The following GABBR2 variants were observed in gnomAD, a reference collection of about 807,000 sequenced individuals.
GABBR2 encodes G-protein coupled receptor 51.
GABBR2 carries 23 observed loss-of-function variants against 105.6 expected under a neutral mutation model. That is an observed-to-expected ratio of 0.22 (90% CI 0.16 to 0.31). The LOEUF (loss-of-function observed/expected upper bound fraction) is 0.31, where lower values mean the gene tolerates loss of function less well. Among genes scored for constraint, GABBR2 ranks in the 10% least tolerant of loss-of-function variants. The pLI, the probability that GABBR2 is intolerant of heterozygous loss-of-function variation, is 1.00. For missense variants in GABBR2, 734 were observed against 1,245.5 expected, an observed-to-expected ratio of 0.59 and a Z score of 6.18; for synonymous variants, 478 against 499.7, an observed-to-expected ratio of 0.96 and a Z score of 0.58.
intron 7 of GABBR2, among the ~76,000 whole-genome samples, chr9:98,438,208 CAT>C: frequency 7.1e-6 from 1 of 140,142 alleles, no homozygotes; most frequent in Non-Finnish European, 1.5e-5. Context: ...TCCATCCATC[CAT>C]CCATCCATCT....
chr9:98,288,542 T>C lies in GABBR2; in HGVS notation c.*2042A>G, dbSNP rs910419295. On this transcript the variant is annotated 3_prime_UTR_variant, in exon 19 of 19. Coordinates refer to ENST00000259455, the MANE Select transcript of GABBR2 (RefSeq NM_005458.8). ...GGAATAATATTTCTACAGGTATTTT[T>C]TTTTGTGTGTGTGTATACATTATGT... 3 of 150,990 alleles carry C rather than the reference T, an allele frequency of 2.0e-5. No individual in the cohort carries two copies. Among genetic ancestry groups the C allele is most frequent in the Non-Finnish European group, 4.5e-5 (3 of 67,404 alleles). The allele number at this position is 150,990 out of a possible 1,614,324, so 9.4% of individuals were successfully genotyped here.
chr9:98,671,817 G>A (rs1302016124), intron 1 of GABBR2, among the ~76,000 whole-genome samples: 2 of 152,184 alleles, frequency 1.3e-5, no homozygotes, highest in East Asian at 3.9e-4. Context: ...AGGACAGCAA[G>A]AAGTCCATGA....
chr9:98,585,621 C>T (rs936209159), intron 1 of GABBR2, among the ~76,000 whole-genome samples: 4 of 149,166 alleles, frequency 2.7e-5, no homozygotes, highest in African/African-American at 4.9e-5. Context: ...TGCACATGTA[C>T]CCTAAAACTT....
At chr9:98,315,671 A>C (rs1485295042) in intron 13 of GABBR2, among the ~76,000 whole-genome samples, 3 of 152,160 alleles carry the variant, frequency 2.0e-5, no homozygotes, top group African/African-American at 7.2e-5. Context: ...CCCAACCCCC[A>C]GTGCTTCCTT....
intron 13 of GABBR2, among the ~76,000 whole-genome samples, chr9:98,340,988 G>T (rs1201180563): frequency 1.3e-5 from 2 of 152,240 alleles, no homozygotes; most frequent in African/African-American, 2.4e-5. Flanking sequence ...AACAGCTCAT[G>T]CCCTGAAGAG....
intron 1 of GABBR2, among the ~76,000 whole-genome samples, chr9:98,651,411 C>T (rs985918766): frequency 1.3e-5 from 2 of 152,100 alleles, no homozygotes; most frequent in Non-Finnish European, 2.9e-5. Flanking sequence ...CAGGCGTGAG[C>T]CACTGTGCCC....
chr9:98,339,107 T>C (rs1398274811), intron 13 of GABBR2, among the ~76,000 whole-genome samples: 4 of 152,050 alleles, frequency 2.6e-5, no homozygotes, highest in Non-Finnish European at 4.4e-5. Context: ...GAGTGGTTGC[T>C]AGGGACTGGA....
intron 9 of GABBR2, among the ~76,000 whole-genome samples, chr9:98,393,923 A>G (rs1832240397): frequency 6.6e-6 from 1 of 152,208 alleles, no homozygotes; most frequent in Non-Finnish European, 1.5e-5. Context: ...ATTTAAAAAG[A>G]ATTACTCCTG....
At chr9:98,348,335 G>T (rs1831334856) in intron 13 of GABBR2, among the ~76,000 whole-genome samples, 1 of 152,116 alleles carries the variant, frequency 6.6e-6, no homozygotes, top group Admixed American at 6.6e-5. Context: ...GGTTACTATA[G>T]CTTTGTAGTA....
intron 1 of GABBR2, among the ~76,000 whole-genome samples, chr9:98,661,296 T>C (rs962146912): frequency 6.6e-6 from 1 of 152,224 alleles, no homozygotes. Context: ...TGTGGACATC[T>C]TGAGGCGAGG....
chr9:98,595,640 T>A (rs1280738757), intron 1 of GABBR2, among the ~76,000 whole-genome samples: 1 of 71,434 alleles, frequency 1.4e-5, no homozygotes, highest in East Asian at 6.8e-4. Flanking sequence ...CAGGAAAGCA[T>A]TTTCCAAATG....
chr9:98,594,272 T>A (rs1829195180), intron 1 of GABBR2, among the ~76,000 whole-genome samples: 1 of 152,198 alleles, frequency 6.6e-6, no homozygotes, highest in Non-Finnish European at 1.5e-5. Context: ...CAGGACTCAT[T>A]TCTGGCCCGC....
intron 11 of GABBR2, among the ~76,000 whole-genome samples, chr9:98,379,333 A>G (rs1477719148): frequency 1.3e-5 from 2 of 152,082 alleles, no homozygotes; most frequent in Admixed American, 1.3e-4. Context: ...CAGTGGCACG[A>G]TCTTGGCTCA....
chr9:98,526,063 T>G (rs1827950465), intron 3 of GABBR2, among the ~76,000 whole-genome samples: 1 of 152,184 alleles, frequency 6.6e-6, no homozygotes, highest in Non-Finnish European at 1.5e-5. Flanking sequence ...TATTCTCAAA[T>G]TACATAGTGG....
intron 1 of GABBR2, among the ~76,000 whole-genome samples, chr9:98,686,734 C>T (rs548037265): frequency 2.2e-4 from 34 of 152,236 alleles, no homozygotes; most frequent in Non-Finnish European, 5.9e-5. Context: ...TGTCTGGCTC[C>T]GGTTTTCTTT....
chr9:98,627,690 G>C (rs1474685451), intron 1 of GABBR2, among the ~76,000 whole-genome samples: 1 of 152,226 alleles, frequency 6.6e-6, no homozygotes, highest in Non-Finnish European at 1.5e-5. Context: ...GCGGGTCCGT[G>C]TGCTGGCTGA....
intron 7 of GABBR2, among the ~76,000 whole-genome samples, chr9:98,444,314 G>A (rs1291555303): frequency 6.6e-6 from 1 of 152,148 alleles, no homozygotes; most frequent in African/African-American, 2.4e-5. Context: ...GGGTGGATGG[G>A]GAGGGAGTTG....
intron 7 of GABBR2, among the ~76,000 whole-genome samples, chr9:98,452,335 A>G (rs1175535271): frequency 6.6e-6 from 1 of 152,218 alleles, no homozygotes; most frequent in Admixed American, 6.5e-5. Context: ...TATTCTTCAG[A>G]TGAATTTTCC....
chr9:98,506,588 C>T (rs1203499921), intron 3 of GABBR2, among the ~76,000 whole-genome samples: 1 of 152,242 alleles, frequency 6.6e-6, no homozygotes, highest in Non-Finnish European at 1.5e-5. Flanking sequence ...CTAGCTGGAA[C>T]TCTATCAGGG....
Sources: gnomAD v4.1 joint callset for allele counts (sites outside exome capture counted in the v4.1 genomes callset) on GRCh38, gnomAD v4.1.1 for gene constraint, MANE v1.5 for transcripts, NCBI Gene and HGNC (gene_info 2026-07-23, HGNC 2026-07-21) for gene names.